CSMD1: variants seen among roughly 807,000 people sequenced by gnomAD.
CSMD1 encodes the protein CUB and sushi domain-containing protein 1.
CSMD1 carries 213 observed loss-of-function variants against 417.5 expected under a neutral mutation model. The observed-to-expected ratio is 0.51, with a 90% CI of 0.46 to 0.57. The LOEUF (loss-of-function observed/expected upper bound fraction) is 0.57, where lower values mean the gene tolerates loss of function less well. CSMD1 is among the 20% of genes least tolerant of loss of function. The pLI, the probability that CSMD1 is intolerant of heterozygous loss-of-function variation, is 0.00. For synonymous variants in CSMD1, 2,862 were observed against 1,736.8 expected (o/e 1.65, Z -16.11); for missense variants, 6,923 against 4,529.7 (o/e 1.53, Z -15.17).
At chr8:4,957,558 G>C (rs998171929) in intron 1 of CSMD1, among the ~76,000 whole-genome samples, 1 of 152,082 alleles carries the variant, frequency 6.6e-6, no homozygotes. Flanking sequence ...TGTGATATCA[G>C]TGTCTTTGTA....
At chr8:3,258,591 G>A (rs528766268) in intron 26 of CSMD1, among the ~76,000 whole-genome samples, 1 of 152,188 alleles carries the variant, frequency 6.6e-6, no homozygotes, top group Admixed American at 6.5e-5. Context: ...TCCATTATTG[G>A]GTATATGCCC....
intron 3 of CSMD1, among the ~76,000 whole-genome samples, chr8:4,066,856 T>A (rs1195420802): frequency 6.6e-6 from 1 of 152,196 alleles, no homozygotes; most frequent in Non-Finnish European, 1.5e-5. Context: ...GTAGCCTTGA[T>A]CACTGCTGAT....
At chr8:3,824,875 C>T (rs562943118) in intron 5 of CSMD1, among the ~76,000 whole-genome samples, 1 of 151,900 alleles carries the variant, frequency 6.6e-6, no homozygotes, top group Admixed American at 6.6e-5. Flanking sequence ...CTGACACAGG[C>T]TTTAATAAAA....
At chr8:3,580,541 A>G (rs1227869193) in intron 9 of CSMD1, among the ~76,000 whole-genome samples, 4 of 152,216 alleles carry the variant, frequency 2.6e-5, no homozygotes, top group African/African-American at 7.2e-5. Context: ...TGAGAGTAGT[A>G]TAAGATACAA....
chr8:4,715,383 T>C (rs768134355), intron 1 of CSMD1, among the ~76,000 whole-genome samples: 21 of 152,316 alleles, frequency 1.4e-4, no homozygotes, highest in Non-Finnish European at 2.2e-4. Flanking sequence ...AAATTGAATA[T>C]AATATAAACA....
chr8:4,645,776 C>G (rs1205323940), intron 1 of CSMD1, among the ~76,000 whole-genome samples: 2 of 152,144 alleles, frequency 1.3e-5, no homozygotes, highest in African/African-American at 4.8e-5. Context: ...GGGATTTGCC[C>G]TGTGCCTGCC....
intron 26 of CSMD1, among the ~76,000 whole-genome samples, chr8:3,272,473 C>A (rs1311112402): frequency 6.7e-6 from 1 of 148,966 alleles, no homozygotes; most frequent in African/African-American, 2.5e-5. Context: ...GGAAGAAAGT[C>A]ATTGGTAACT....
At chr8:4,819,867 A>G (rs1488863159) in intron 1 of CSMD1, among the ~76,000 whole-genome samples, 2 of 151,942 alleles carry the variant, frequency 1.3e-5, no homozygotes, top group Non-Finnish European at 2.9e-5. Context: ...ACCCTTCTCT[A>G]AGGGAAGAAC....
intron 12 of CSMD1, among the ~76,000 whole-genome samples, chr8:3,448,697 A>C (rs977885591): frequency 3.9e-5 from 6 of 152,134 alleles, no homozygotes; most frequent in Non-Finnish European, 7.4e-5. Flanking sequence ...CAGGAACTGC[A>C]GCATCGAGAG....
intron 7 of CSMD1, among the ~76,000 whole-genome samples, chr8:3,623,862 A>G (rs1302755836): frequency 6.6e-6 from 1 of 152,102 alleles, no homozygotes; most frequent in African/African-American, 2.4e-5. Flanking sequence ...CTGTAATCCC[A>G]GCTACTCTGG....
At chr8:3,238,465 G>A (rs1252763894) in intron 26 of CSMD1, among the ~76,000 whole-genome samples, 2 of 151,990 alleles carry the variant, frequency 1.3e-5, no homozygotes, top group Non-Finnish European at 2.9e-5. Context: ...GTGCTGGGAC[G>A]GCAAAAATTT....
rs187280670 is a variant in CSMD1 at position 4,367,083 on chromosome 8, A to G, written c.415+52870T>C. ...ACTTGTCAATTTTTATTTTTATTGC[A>G]ATTGCTTTTAGAGACTTATTCATAA... On this transcript the variant is annotated intron_variant, in intron 3 of 69. Transcript: ENST00000635120. Among the ~76,000 whole-genome samples the G allele has an allele frequency of 1.4e-4, 22 of 152,134 alleles. 1 individual carries two copies. In the East Asian group the frequency reaches 3.3e-3, roughly 23 times the overall value.
At chr8:4,236,846 C>G (rs980284308) in intron 3 of CSMD1, among the ~76,000 whole-genome samples, 4 of 152,070 alleles carry the variant, frequency 2.6e-5, no homozygotes, top group African/African-American at 7.2e-5. Context: ...AGTCACTGAA[C>G]AAAATGGAAC....
At chr8:3,888,474 GA>G (rs1358155151) in intron 5 of CSMD1, among the ~76,000 whole-genome samples, 3 of 152,180 alleles carry the variant, frequency 2.0e-5, no homozygotes. Context: ...CGCCATTTAG[GA>G]GATGATTATC....
intron 5 of CSMD1, among the ~76,000 whole-genome samples, chr8:3,921,928 T>G (rs1191790053): frequency 1.3e-5 from 2 of 152,174 alleles, no homozygotes; most frequent in South Asian, 4.1e-4. Flanking sequence ...CCAAGTACAT[T>G]GCTTTCTTAT....
At chr8:3,732,786 A>G (rs1053837908) in intron 6 of CSMD1, among the ~76,000 whole-genome samples, 2 of 152,144 alleles carry the variant, frequency 1.3e-5, no homozygotes, top group African/African-American at 4.8e-5. Flanking sequence ...CGTCCATCCC[A>G]CTGAGTGATT....
intron 7 of CSMD1, among the ~76,000 whole-genome samples, chr8:3,619,090 C>G (rs1363736467): frequency 6.6e-6 from 1 of 150,478 alleles, no homozygotes; most frequent in Non-Finnish European, 1.5e-5. Context: ...GTAAGGGATT[C>G]CAGGCAGAGG....
intron 37 of CSMD1, among the ~76,000 whole-genome samples, chr8:3,179,772 A>G (rs140811364): frequency 1.3e-5 from 2 of 152,242 alleles, no homozygotes; most frequent in East Asian, 1.9e-4. Context: ...GTCACAAAGT[A>G]TATCAAAGTA....
chr8:4,104,315 C>T (rs560958680), intron 3 of CSMD1, among the ~76,000 whole-genome samples: 5 of 152,300 alleles, frequency 3.3e-5, no homozygotes, highest in Admixed American at 6.5e-5. Context: ...GATTGGTGTT[C>T]TCCACATGAG....
Sources: allele counts gnomAD v4.1 joint callset (sites outside exome capture counted in the v4.1 genomes callset), GRCh38; gene constraint gnomAD v4.1.1; transcripts MANE v1.5; gene names NCBI Gene and HGNC (gene_info 2026-07-23, HGNC 2026-07-21).